Variants in CSMD1 observed in about 807,000 individuals in gnomAD.
The protein encoded by CSMD1 is CUB and sushi domain-containing protein 1.
CSMD1 carries 213 observed loss-of-function variants against 417.5 expected under a neutral mutation model. The observed-to-expected ratio is 0.51, with a 90% CI of 0.46 to 0.57. CSMD1 has a LOEUF of 0.57. Ranked by LOEUF, CSMD1 falls within the 20% of genes least tolerant of loss-of-function variation. CSMD1 has a pLI of 0.00. For missense variants in CSMD1, 6,923 were observed against 4,529.7 expected, an observed-to-expected ratio of 1.53 and a Z score of -15.17; for synonymous variants, 2,862 against 1,736.8, an observed-to-expected ratio of 1.65 and a Z score of -16.11.
rs144717657 is a variant in CSMD1, at chr8:3,972,570, A to C, written c.818+25333T>G. On this transcript the variant is annotated intron_variant, in intron 5 of 69. Transcript: ENST00000635120. ...CCACATATTGCTCACAGGGCCTCTT[A>C]TGCTATTCATCTTTATAAAACGGCC... Among the ~76,000 whole-genome samples the C allele has an allele frequency of 6.9e-3, 1,055 of 152,276 alleles. 3 individuals carry two copies. The highest frequency in any genetic ancestry group is 0.011 in the Non-Finnish European group (764 of 68,018).
At chr8:4,375,883 C>A (rs535984096) in intron 3 of CSMD1, among the ~76,000 whole-genome samples, 59 of 152,294 alleles carry the variant, frequency 3.9e-4, no homozygotes, top group Admixed American at 2.9e-3. Context: ...TCCCATCAAA[C>A]ACAGGCAAAT....
At chr8:3,659,593 T>G (rs932816019) in intron 7 of CSMD1, among the ~76,000 whole-genome samples, 1 of 152,186 alleles carries the variant, frequency 6.6e-6, no homozygotes, top group African/African-American at 2.4e-5. Context: ...CAACTGTGAA[T>G]TGGTCCCTTT....
intron 5 of CSMD1, among the ~76,000 whole-genome samples, chr8:3,997,121 A>G (rs886587529): frequency 3.9e-5 from 6 of 152,248 alleles, no homozygotes; most frequent in African/African-American, 1.4e-4. Flanking sequence ...AAGCAGTTTT[A>G]AAGTGTTCAG....
intron 6 of CSMD1, among the ~76,000 whole-genome samples, chr8:3,730,640 C>T (rs1184351198): frequency 6.6e-6 from 1 of 152,160 alleles, no homozygotes; most frequent in East Asian, 1.9e-4. Context: ...AAAAAGCTTA[C>T]ATTTCTTCTG....
At position 3,891,770 on chromosome 8, in the gene CSMD1, T is replaced by C. The variant is rs568757505; in HGVS notation, c.818+106133A>G. Reference sequence around the variant, plus strand: ...GACTGGAGACTGAATCTCTGCTTCATAACGTCATTACTATGTGATTTAGGC... The same window carrying C: ...GACTGGAGACTGAATCTCTGCTTCACAACGTCATTACTATGTGATTTAGGC... On this transcript the variant is annotated intron_variant, in intron 5 of 69. Coordinates refer to ENST00000635120, the MANE Select transcript of CSMD1 (RefSeq NM_033225.6). 2.8e-4 allele frequency among the ~76,000 whole-genome samples: 42 copies of C among 152,270 alleles called. No individual in the cohort carries two copies. In the South Asian group the frequency reaches 6.4e-3, roughly 23 times the overall value.
intron 1 of CSMD1, among the ~76,000 whole-genome samples, chr8:4,714,705 C>G (rs1289797492): frequency 6.6e-6 from 1 of 151,974 alleles, no homozygotes; most frequent in Non-Finnish European, 1.5e-5. Context: ...CAAATTTACT[C>G]GAGAATACAA....
intron 41 of CSMD1, among the ~76,000 whole-genome samples, chr8:3,136,067 G>C (rs1415878084): frequency 6.6e-6 from 1 of 152,052 alleles, no homozygotes; most frequent in African/African-American, 2.4e-5. Context: ...AAAGAGGGCA[G>C]ACTCATGGGG....
intron 7 of CSMD1, among the ~76,000 whole-genome samples, chr8:3,665,486 GC>G (rs1798640594): frequency 6.6e-6 from 1 of 152,064 alleles, no homozygotes; most frequent in African/African-American, 2.4e-5. Context: ...CCAAGATCAC[GC>G]CACTGCACTC....
At chr8:4,329,966 G>C (rs375719622) in intron 3 of CSMD1, among the ~76,000 whole-genome samples, 1 of 151,984 alleles carries the variant, frequency 6.6e-6, no homozygotes, top group Admixed American at 6.6e-5. Flanking sequence ...AGCTCCCTGA[G>C]GTCTCCCCAA....
At chr8:4,134,314 G>C (rs1449528539) in intron 3 of CSMD1, among the ~76,000 whole-genome samples, 2 of 152,138 alleles carry the variant, frequency 1.3e-5, no homozygotes, top group African/African-American at 2.4e-5. Context: ...TGGTGATTAA[G>C]CTATAAAGAC....
chr8:4,174,683 A>G (rs568776838), intron 3 of CSMD1, among the ~76,000 whole-genome samples: 2 of 121,566 alleles, frequency 1.6e-5, no homozygotes, highest in East Asian at 2.4e-4. Context: ...ACATGCTCAA[A>G]GAAAAAAGGT....
At chr8:3,346,583 T>G (rs1808013043) in intron 22 of CSMD1, among the ~76,000 whole-genome samples, 1 of 152,144 alleles carries the variant, frequency 6.6e-6, no homozygotes, top group South Asian at 2.1e-4. Context: ...ATTATGACAT[T>G]GAAATACAGG....
rs560192401 is a variant in CSMD1, at chr8:4,427,111, T to A, written c.303-7046A>T. Among the ~76,000 whole-genome samples, 5 of 152,160 alleles carry A rather than the reference T, an allele frequency of 3.3e-5. No individual in the cohort carries two copies. The South Asian group carries it at 1.0e-3, about 32-fold the overall frequency. On this transcript the variant is annotated intron_variant, in intron 2 of 69. Coordinates refer to ENST00000635120, the MANE Select transcript of CSMD1 (RefSeq NM_033225.6). The stretch of plus-strand genomic sequence containing the variant: ...GGCTGTGGCTCCTGGGAGGTCACCA[T>A]CCTTATAGAAAGCCTCTCCTGCCAG...
intron 25 of CSMD1, among the ~76,000 whole-genome samples, chr8:3,306,573 T>G (rs1383797807): frequency 4.6e-5 from 7 of 152,268 alleles, no homozygotes; most frequent in African/African-American, 1.7e-4. Flanking sequence ...TGATGGAGTG[T>G]AGACGCCTGG....
chr8:3,288,411 T>A (rs1197789712), intron 25 of CSMD1, among the ~76,000 whole-genome samples: 1 of 147,260 alleles, frequency 6.8e-6, no homozygotes, highest in Non-Finnish European at 1.5e-5. Flanking sequence ...AGAATTCGGC[T>A]GTGAATCCAT....
At chr8:3,304,787 G>C (rs1804696428) in intron 25 of CSMD1, among the ~76,000 whole-genome samples, 3 of 151,714 alleles carry the variant, frequency 2.0e-5, no homozygotes, top group Admixed American at 2.0e-4. Context: ...TGTAAAGAGT[G>C]AATCCATGAC....
intron 1 of CSMD1, among the ~76,000 whole-genome samples, chr8:4,882,069 AAAGTACGAATAAT>A (rs1803439430): frequency 6.6e-6 from 1 of 152,064 alleles, no homozygotes; most frequent in African/African-American, 2.4e-5. Context: ...TCTTATTTAG[AAAGTACGAATAAT>A]AAGCCCTCAT....
chr8:2,955,826 C>A, intron 63 of CSMD1, 58 bp from the exon 64 acceptor site: 1 of 1,494,130 alleles, frequency 6.7e-7, no homozygotes, highest in Middle Eastern at 2.0e-4. Context: ...GCACATGTGT[C>A]TAGAGAAATT....
At chr8:3,357,958 CTGTG>C (rs1447519548) in intron 21 of CSMD1, among the ~76,000 whole-genome samples, 5 of 152,090 alleles carry the variant, frequency 3.3e-5, no homozygotes, top group African/African-American at 1.2e-4. Context: ...GAAATTCTGA[CTGTG>C]TATCTCTGGT....
Sources: allele counts gnomAD v4.1 joint callset (sites outside exome capture counted in the v4.1 genomes callset), GRCh38; gene constraint gnomAD v4.1.1; transcripts MANE v1.5; gene names NCBI Gene and HGNC (gene_info 2026-07-23, HGNC 2026-07-21).